Variants in LRRC7 observed in about 807,000 individuals in gnomAD.
LRRC7 encodes the protein leucine-rich repeat-containing protein 7.
In LRRC7, 23 loss-of-function variants were observed where a neutral mutation model predicts 175.7. The observed-to-expected ratio is 0.13, with a 90% CI of 0.09 to 0.19. LRRC7 has a LOEUF of 0.19. Among genes scored for constraint, LRRC7 ranks in the 10% least tolerant of loss-of-function variants. The pLI, the probability that LRRC7 is intolerant of heterozygous loss-of-function variation, is 1.00. For missense variants in LRRC7, 1,354 were observed against 1,904.7 expected (o/e 0.71, Z 5.38); for synonymous variants, 685 against 680.9 (o/e 1.01, Z -0.09).
Position 69,962,797 on chromosome 1 carries a change from G to A in LRRC7, c.712-17582G>A, listed in dbSNP as rs561407641. 4.9e-4 allele frequency among the ~76,000 whole-genome samples: 75 copies of A among 152,096 alleles called. 2 individuals are homozygous for A. The highest frequency in any genetic ancestry group is 1.6e-3 in the African/African-American group (67 of 41,470). On this transcript the variant is annotated intron_variant, in intron 8 of 26. Transcript: ENST00000651989. ...AATGAGAACACATGGACAGATAGGGGGAACAACACCCACTGGGGCCTACTG... is the reference window on the plus strand; with the variant it reads ...AATGAGAACACATGGACAGATAGGGAGAACAACACCCACTGGGGCCTACTG...
intron 7 of LRRC7, among the ~76,000 whole-genome samples, chr1:69,884,944 C>A (rs2101624119): frequency 6.7e-6 from 1 of 149,626 alleles, no homozygotes; most frequent in South Asian, 2.1e-4. Flanking sequence ...ATTGAACCAG[C>A]CTTGCATCAC....
At chr1:69,972,423 AAAAC>A (rs1324107533) in intron 8 of LRRC7, among the ~76,000 whole-genome samples, 2 of 152,224 alleles carry the variant, frequency 1.3e-5, no homozygotes, top group African/African-American at 2.4e-5. Flanking sequence ...AATTAGCAAG[AAAAC>A]AAACAATCCC....
chr1:69,715,064 G>T (rs978522792), intron 2 of LRRC7, among the ~76,000 whole-genome samples: 7 of 152,094 alleles, frequency 4.6e-5, no homozygotes, highest in Non-Finnish European at 7.4e-5. Flanking sequence ...TTCAAGAAAA[G>T]ATTTTAGTAT....
At chr1:69,946,281 G>C (rs949105981) in intron 8 of LRRC7, among the ~76,000 whole-genome samples, 1 of 152,014 alleles carries the variant, frequency 6.6e-6, no homozygotes, top group Non-Finnish European at 1.5e-5. Flanking sequence ...TTCAAATATT[G>C]ATTTGCACAT....
At chr1:70,077,605 A>G (rs61784283) in intron 24 of LRRC7, among the ~76,000 whole-genome samples, 11,366 of 152,198 alleles carry the variant, frequency 0.075, 530 homozygotes, top group South Asian at 0.18. Context: ...TTGAAAACGC[A>G]CTGAGATTAA....
At chr1:69,853,845 T>A (rs932234728) in intron 7 of LRRC7, among the ~76,000 whole-genome samples, 1 of 152,166 alleles carries the variant, frequency 6.6e-6, no homozygotes, top group African/African-American at 2.4e-5. Flanking sequence ...TATTTTCCAG[T>A]GTTTATATTA....
chr1:69,847,512 C>G (rs1226536667), intron 7 of LRRC7, among the ~76,000 whole-genome samples: 1 of 152,038 alleles, frequency 6.6e-6, no homozygotes, highest in Non-Finnish European at 1.5e-5. Flanking sequence ...CCTCCTTGCT[C>G]TTTTCCACCC....
Position 69,799,870 on chromosome 1 carries a change from A to G in LRRC7, c.421+7710A>G, listed in dbSNP as rs577722695. Among the ~76,000 whole-genome samples, 5 of 152,114 alleles carry G rather than the reference A, an allele frequency of 3.3e-5. No homozygotes were observed. The South Asian group carries it at 1.0e-3, about 32-fold the overall frequency. On this transcript the variant is annotated intron_variant, in intron 4 of 26. Coordinates refer to ENST00000651989, the MANE Select transcript of LRRC7 (RefSeq NM_001370785.2). ...CTGGATTTTCTTCTAGTATTTTTAT[A>G]GTTTCATGTTTACATTTAAGTCTTT...
chr1:69,866,385 G>T (rs976923077), intron 7 of LRRC7, among the ~76,000 whole-genome samples: 1 of 152,124 alleles, frequency 6.6e-6, no homozygotes, highest in African/African-American at 2.4e-5. Flanking sequence ...AGGGAAAGTG[G>T]AGAACCAGCA....
At chr1:69,789,553 A>G (rs778988623) in intron 3 of LRRC7, among the ~76,000 whole-genome samples, 1 of 152,100 alleles carries the variant, frequency 6.6e-6, no homozygotes, top group Non-Finnish European at 1.5e-5. Flanking sequence ...CTTCATAATT[A>G]TATTAAGAAG....
intron 3 of LRRC7, among the ~76,000 whole-genome samples, chr1:69,781,497 C>T (rs778237981): frequency 4.0e-5 from 6 of 151,330 alleles, no homozygotes; most frequent in Admixed American, 6.6e-5. Context: ...GGCTGACCAT[C>T]ATGGTGAAGT....
At chr1:69,790,752 C>T (rs1312181750) in intron 3 of LRRC7, among the ~76,000 whole-genome samples, 2 of 151,734 alleles carry the variant, frequency 1.3e-5, no homozygotes, top group African/African-American at 4.8e-5. Context: ...AGAAACTATC[C>T]ATCAAAGTAT....
intron 1 of LRRC7, among the ~76,000 whole-genome samples, chr1:69,595,035 A>G (rs1327941370): frequency 1.3e-5 from 2 of 151,324 alleles, no homozygotes; most frequent in Admixed American, 6.6e-5. Flanking sequence ...ACTGTTTACT[A>G]TATATCAGGC....
intron 1 of LRRC7, among the ~76,000 whole-genome samples, chr1:69,671,755 G>A (rs1659109656): frequency 6.6e-6 from 1 of 152,118 alleles, no homozygotes; most frequent in South Asian, 2.1e-4. Flanking sequence ...GCTGAGTTCA[G>A]CCTAGTTATG....
At chr1:70,062,349 T>C (rs1661643574) in intron 23 of LRRC7, among the ~76,000 whole-genome samples, 1 of 152,158 alleles carries the variant, frequency 6.6e-6, no homozygotes, top group Non-Finnish European at 1.5e-5. Flanking sequence ...GCACTCCTTT[T>C]ACGTAACTTT....
chr1:69,783,129 T>C (rs1195656818), intron 3 of LRRC7, among the ~76,000 whole-genome samples: 2 of 152,200 alleles, frequency 1.3e-5, no homozygotes, highest in Non-Finnish European at 2.9e-5. Flanking sequence ...TGAGCCTTTC[T>C]TTCATGTACA....
At chr1:69,657,617 A>G (rs1328028984) in intron 1 of LRRC7, among the ~76,000 whole-genome samples, 1 of 151,870 alleles carries the variant, frequency 6.6e-6, no homozygotes, top group African/African-American at 2.4e-5. Context: ...AATTTACCCT[A>G]TGATATTATT....
chr1:69,943,271 G>A (rs1026527962), intron 8 of LRRC7, among the ~76,000 whole-genome samples: 1 of 151,554 alleles, frequency 6.6e-6, no homozygotes, highest in Non-Finnish European at 1.5e-5. Flanking sequence ...ATTCAGCAAC[G>A]AAAAAAAATG....
At chr1:69,620,569 A>C (rs1650403514) in intron 1 of LRRC7, among the ~76,000 whole-genome samples, 1 of 152,176 alleles carries the variant, frequency 6.6e-6, no homozygotes, top group Non-Finnish European at 1.5e-5. Flanking sequence ...ATCGTGCTGC[A>C]AGGGAGCTGG....
Sources: gnomAD v4.1 joint callset for allele counts (sites outside exome capture counted in the v4.1 genomes callset) on GRCh38, gnomAD v4.1.1 for gene constraint, MANE v1.5 for transcripts, NCBI Gene and HGNC (gene_info 2026-07-23, HGNC 2026-07-21) for gene names.